DLGAP4: variants seen among roughly 807,000 people sequenced by gnomAD.
DLGAP4 encodes DLG associated protein 4.
Under a neutral mutation model 86.9 loss-of-function variants are expected in DLGAP4, and 18 were observed. The ratio of observed to expected loss-of-function variants is 0.21; its 90% CI spans 0.14 to 0.31. The LOEUF (loss-of-function observed/expected upper bound fraction) is 0.31. Ranked by LOEUF, DLGAP4 falls within the 10% of genes least tolerant of loss-of-function variation. DLGAP4 has a pLI of 1.00. For synonymous variants in DLGAP4, 548 were observed against 574.3 expected, an observed-to-expected ratio of 0.95 and a Z score of 0.65; for missense variants, 1,085 against 1,362.6, an observed-to-expected ratio of 0.80 and a Z score of 3.21.
At chr20:36,459,567 A>G (rs1349477300) in intron 7 of DLGAP4, among the ~76,000 whole-genome samples, 1 of 152,122 alleles carries the variant, frequency 6.6e-6, no homozygotes, top group Non-Finnish European at 1.5e-5. Flanking sequence ...TTGTGGAGGC[A>G]GGGTCTCCCT....
chr20:36,405,674 G>T (rs1323594785), intron 2 of DLGAP4, among the ~76,000 whole-genome samples: 2 of 152,116 alleles, frequency 1.3e-5, no homozygotes, highest in Non-Finnish European at 2.9e-5. Flanking sequence ...CAGAGAACAT[G>T]GGGAGAGGAG....
intron 7 of DLGAP4, among the ~76,000 whole-genome samples, chr20:36,467,071 C>CA (rs2034446468): frequency 7.5e-6 from 1 of 133,180 alleles, no homozygotes; most frequent in East Asian, 2.0e-4. Flanking sequence ...TCTCCCCCCC[C>CA]CTTCTCTCGG....
intron 1 of DLGAP4, among the ~76,000 whole-genome samples, chr20:36,326,542 T>G (rs2065217518): frequency 6.6e-6 from 1 of 152,226 alleles, no homozygotes; most frequent in Non-Finnish European, 1.5e-5. Context: ...CTTTTATATG[T>G]GTAATAAGCA....
intron 2 of DLGAP4, among the ~76,000 whole-genome samples, chr20:36,374,229 T>G (rs1477874205): frequency 6.6e-6 from 1 of 151,690 alleles, no homozygotes; most frequent in Non-Finnish European, 1.5e-5. Flanking sequence ...ACTGCAGTCT[T>G]TGGAGGAGAG....
rs144693579 is a variant in DLGAP4 at position 36,446,743 on chromosome 20, C to T, written c.1454C>T (p.Ser485Leu). 2 of 1,612,090 alleles carry T rather than the reference C, an allele frequency of 1.2e-6. No homozygotes were observed. Among genetic ancestry groups the T allele is most frequent in the African/African-American group, 1.3e-5 (1 of 74,910 alleles). ...GACCAGTATGAGGCGGCCTGCGAGT[C>T]AGCCTGCAGTGAAGCGGAGTCCACA... ...LSDQYEAACE[S>L]ACSEAESTAA... The change falls in exon 7 of 13, where the codon TCA becomes TTA. Residue 485 changes from serine to leucine, a missense_variant. Physicochemically the swap from Ser to Leu is moderately radical, Grantham distance 145. Coordinates refer to ENST00000339266, the MANE Select transcript of DLGAP4 (RefSeq NM_001365621.2).
chr20:36,307,705 C>CG (rs1415151127), intron 1 of DLGAP4, among the ~76,000 whole-genome samples: 1 of 151,920 alleles, frequency 6.6e-6, no homozygotes, highest in African/African-American at 2.4e-5. Flanking sequence ...TTCCAGCCCC[C>CG]GGGGGACTGG....
chr20:36,446,762 G>A lies in DLGAP4; in HGVS notation c.1473G>A (p.Glu491=). 1 of 1,613,092 alleles carries A rather than the reference G, an allele frequency of 6.2e-7. No homozygotes were observed. The highest frequency in any genetic ancestry group is 1.1e-5 in the South Asian group (1 of 91,044). Residue 491 remains glutamate (E), a synonymous_variant, in exon 7 of 13, where the codon GAG becomes GAA. Transcript: ENST00000339266. ...AACESACSEA[E]STAAETLDLP... is the part of the protein sequence containing the mutation. ...GCGAGTCAGCCTGCAGTGAAGCGGA[G>A]TCCACAGCGGCAGAGACGCTTGACT...
intron 1 of DLGAP4, among the ~76,000 whole-genome samples, chr20:36,344,533 A>T (rs2065416616): frequency 6.6e-6 from 1 of 152,228 alleles, no homozygotes; most frequent in Non-Finnish European, 1.5e-5. Context: ...GAACTGAGGC[A>T]CAAAAGAGGA....
chr20:36,509,075 A>T (rs754761527), intron 10 of DLGAP4, among the ~76,000 whole-genome samples: 3 of 152,216 alleles, frequency 2.0e-5, no homozygotes, highest in Non-Finnish European at 2.9e-5. Flanking sequence ...TTGGCCATTT[A>T]AACTTCTGTG....
At chr20:36,315,595 G>A (rs1044393914) in intron 1 of DLGAP4, among the ~76,000 whole-genome samples, 2 of 152,068 alleles carry the variant, frequency 1.3e-5, no homozygotes, top group African/African-American at 2.4e-5. Flanking sequence ...AGCAAAGCCA[G>A]TGGCCATCAC....
intron 10 of DLGAP4, among the ~76,000 whole-genome samples, chr20:36,523,985 T>C (rs560455544): frequency 1.3e-4 from 20 of 152,328 alleles, no homozygotes; most frequent in African/African-American, 4.8e-4. Flanking sequence ...GATTTATGTT[T>C]TTCTGGAAAA....
chr20:36,442,614 C>A, intron 5 of DLGAP4, 113 bp from the exon 6 acceptor site: 2 of 1,177,610 alleles, frequency 1.7e-6, no homozygotes, highest in South Asian at 1.3e-5. Context: ...CCCAGCCAGT[C>A]TGGGGAGGAG....
intron 4 of DLGAP4, among the ~76,000 whole-genome samples, chr20:36,437,014 C>G (rs999565042): frequency 4.6e-5 from 7 of 152,152 alleles, no homozygotes; most frequent in Non-Finnish European, 8.8e-5. Context: ...GCCCCTACCC[C>G]AGGAGTCCCG....
chr20:36,306,776 G>A lies in DLGAP4; in HGVS notation c.-304+264G>A, dbSNP rs1394473412. Among the ~76,000 whole-genome samples the A allele has an allele frequency of 1.3e-5, 2 of 152,294 alleles. No homozygotes were observed. The highest frequency in any genetic ancestry group is 2.1e-4 in the South Asian group (1 of 4,824). On this transcript the variant is annotated intron_variant, in intron 1 of 12. Coordinates refer to ENST00000339266, the MANE Select transcript of DLGAP4 (RefSeq NM_001365621.2). The surrounding 1 kb of genome is among the most constrained non-coding windows in gnomAD (Gnocchi z 4.9). The stretch of plus-strand genomic sequence containing the variant: ...TCCCCGGACCCTCAAATCGGGGGCG[G>A]CGGCACCGGGGCCCGGAACCCCTGT...
chr20:36,445,321 T>C (rs2033561953), intron 6 of DLGAP4, among the ~76,000 whole-genome samples: 1 of 152,014 alleles, frequency 6.6e-6, no homozygotes, highest in Non-Finnish European at 1.5e-5. Flanking sequence ...CTAGCCAATA[T>C]GGTGAAACCC....
At chr20:36,514,507 C>G (rs372273601) in intron 10 of DLGAP4, among the ~76,000 whole-genome samples, 1 of 152,060 alleles carries the variant, frequency 6.6e-6, no homozygotes, top group Non-Finnish European at 1.5e-5. Context: ...AACTCCTGGG[C>G]TCCACTGATC....
At chr20:36,501,067 T>TTG (rs1262981459) in intron 10 of DLGAP4, among the ~76,000 whole-genome samples, 3 of 150,364 alleles carry the variant, frequency 2.0e-5, no homozygotes, top group Non-Finnish European at 3.0e-5. Context: ...TCAACAACTT[T>TTG]TTTTTTTTTT....
chr20:36,456,526 G>A (rs2033883591), intron 7 of DLGAP4, among the ~76,000 whole-genome samples: 1 of 152,174 alleles, frequency 6.6e-6, no homozygotes, highest in South Asian at 2.1e-4. Context: ...GGACCCAGGA[G>A]GCCTTCCCAG....
intron 2 of DLGAP4, among the ~76,000 whole-genome samples, chr20:36,397,265 G>T (rs1319843573): frequency 2.6e-5 from 4 of 152,182 alleles, no homozygotes; most frequent in Non-Finnish European, 5.9e-5. Flanking sequence ...TTAGACTTGG[G>T]TGAGTCCTAA....
Sources: allele counts gnomAD v4.1 joint callset (sites outside exome capture counted in the v4.1 genomes callset), GRCh38; gene constraint gnomAD v4.1.1; non-coding constraint Gnocchi (gnomAD v3.1); transcripts MANE v1.5; gene names NCBI Gene and HGNC (gene_info 2026-07-23, HGNC 2026-07-21).